The following SLIT1 variants were observed in gnomAD, a reference collection of about 807,000 sequenced individuals.
SLIT1 encodes the protein slit homolog 1 protein.
A neutral mutation model predicts 186.1 loss-of-function variants in SLIT1; 66 were observed. The observed-to-expected ratio is 0.35, with a 90% CI of 0.29 to 0.44. SLIT1 has a LOEUF of 0.44. Among genes scored for constraint, SLIT1 ranks in the 20% least tolerant of loss-of-function variants. The pLI, the probability that SLIT1 is intolerant of heterozygous loss-of-function variation, is 1.00. For synonymous variants in SLIT1, 761 were observed against 833.8 expected (o/e 0.91, Z 1.50); for missense variants, 1,638 against 2,037.4 (o/e 0.80, Z 3.77).
In SLIT1 at chr10:96,998,219, T is replaced by A. The variant is rs1444686993; in HGVS notation, c.*2893A>T. The A allele has an allele frequency of 6.6e-6, 1 of 152,188 alleles. No individual in the cohort carries two copies. Among genetic ancestry groups the A allele is most frequent in the Non-Finnish European group, 1.5e-5 (1 of 68,048 alleles). 9.4% of individuals were successfully genotyped at this position (152,188 alleles called of 1,614,324 possible). On this transcript the variant is annotated 3_prime_UTR_variant, in exon 37 of 37. Transcript: ENST00000266058. ...CAAAACGTGCCACGACCACATAGCA[T>A]CTGAAAGGCAAAACAAGACGCTGGA...
At chr10:97,162,260 G>A (rs1287220719) in intron 3 of SLIT1, among the ~76,000 whole-genome samples, 1 of 152,106 alleles carries the variant, frequency 6.6e-6, no homozygotes, top group African/African-American at 2.4e-5. Context: ...CTTCAGAAAT[G>A]TGATTTTATT....
chr10:97,100,032 A>C (rs1849334072), intron 4 of SLIT1, among the ~76,000 whole-genome samples: 1 of 152,224 alleles, frequency 6.6e-6, no homozygotes, highest in Admixed American at 6.5e-5. Context: ...TCACCCTAGA[A>C]GACATAATAT....
At chr10:97,123,691 G>A (rs1429415696) in intron 4 of SLIT1, among the ~76,000 whole-genome samples, 1 of 151,890 alleles carries the variant, frequency 6.6e-6, no homozygotes, top group Non-Finnish European at 1.5e-5. Flanking sequence ...TCGAGAGGCT[G>A]AGGCAGGAGA....
At chr10:97,155,173 T>C (rs911690413) in intron 4 of SLIT1, 4 of 152,264 alleles carry the variant, frequency 2.6e-5, no homozygotes, top group Non-Finnish European at 5.9e-5. Context: ...TTCAGACTCC[T>C]ACTAGCCCTA....
intron 4 of SLIT1, among the ~76,000 whole-genome samples, chr10:97,067,610 G>A (rs370688925): frequency 2.1e-4 from 32 of 152,282 alleles, no homozygotes; most frequent in African/African-American, 6.3e-4. Flanking sequence ...TGGCTTGTGC[G>A]GCAGCCCTGG....
rs1417060106 is a variant in SLIT1, at chr10:97,021,441, A to G, written c.2583-28T>C. ...GAGCAGAAAGCAGAGAGAAGCAGGC[A>G]TTACAGCTTCATGGGGTCCCTCGCC... On this transcript the variant is annotated intron_variant, in intron 25 of 36. Coordinates refer to ENST00000266058, the MANE Select transcript of SLIT1 (RefSeq NM_003061.3). This position sits in a 1 kb window ranked among gnomAD's most constrained non-coding sequence, Gnocchi z 4.5. 1.9e-6 allele frequency: 3 copies of G among 1,600,898 alleles called. No individual in the cohort carries two copies. Among genetic ancestry groups the G allele is most frequent in the Non-Finnish European group, 2.6e-6 (3 of 1,171,364 alleles).
intron 23 of SLIT1, 52 bp from the exon 24 acceptor site, chr10:97,031,729 T>A: frequency 6.9e-7 from 1 of 1,442,228 alleles, no homozygotes; most frequent in African/African-American, 1.4e-5. Flanking sequence ...CTGGCCCCTG[T>A]GGGCACAGCC....
intron 2 of SLIT1, 130 bp from the exon 3 acceptor site, chr10:97,163,581 T>A: frequency 1.3e-6 from 1 of 766,082 alleles, no homozygotes; most frequent in East Asian, 2.5e-5. Flanking sequence ...ACAGGAGCCA[T>A]GCCCAAGCCT....
intron 4 of SLIT1, among the ~76,000 whole-genome samples, chr10:97,096,608 C>T (rs914933728): frequency 3.3e-5 from 5 of 152,144 alleles, no homozygotes; most frequent in Non-Finnish European, 7.4e-5. Flanking sequence ...GAAATGTCAG[C>T]GGCTCCTCAC....
At chr10:97,100,342 G>A (rs564766782) in intron 4 of SLIT1, among the ~76,000 whole-genome samples, 8 of 152,256 alleles carry the variant, frequency 5.3e-5, no homozygotes, top group African/African-American at 1.9e-4. Context: ...TAAAATTTTT[G>A]GCCGGGTGCA....
chr10:97,037,048 TTGTGTGTGTGTG>T lies in SLIT1; in HGVS notation c.2366+638_2366+649del, dbSNP rs59578209. On this transcript the variant is annotated intron_variant, in intron 22 of 36. Coordinates refer to ENST00000266058, the MANE Select transcript of SLIT1 (RefSeq NM_003061.3). The stretch of plus-strand genomic sequence containing the variant: ...CCTAACCTTGCAAGAATAACCCCCT[TTGTGTGTGTGTG>T]TGTGTGTGTGTGTGTGTGTGTGTGT... Among the ~76,000 whole-genome samples, 238 of 116,950 alleles carry T rather than the reference TTGTGTGTGTGTG, an allele frequency of 2.0e-3. 1 individual carries two copies. Among genetic ancestry groups the T allele is most frequent in the Middle Eastern group, 0.013 (3 of 236 alleles). 76.7% of individuals were successfully genotyped at this position (116,950 alleles called of 152,430 possible).
At chr10:97,180,079 C>T (rs779210067) in intron 1 of SLIT1, among the ~76,000 whole-genome samples, 5 of 152,198 alleles carry the variant, frequency 3.3e-5, no homozygotes, top group African/African-American at 4.8e-5. Context: ...CGACAGCCCG[C>T]CCCGCCCAAG....
At chr10:97,066,406 A>G (rs1848946807) in intron 4 of SLIT1, among the ~76,000 whole-genome samples, 1 of 152,176 alleles carries the variant, frequency 6.6e-6, no homozygotes, top group Non-Finnish European at 1.5e-5. Context: ...GCCAGACCCC[A>G]CCTGATGTAG....
Position 97,045,117 on chromosome 10 carries a change from A to G in SLIT1, c.1853+1537T>C, listed in dbSNP as rs532219029. Among the ~76,000 whole-genome samples, 7 of 152,326 alleles carry G rather than the reference A, an allele frequency of 4.6e-5. No homozygotes were observed. The East Asian group carries it at 1.3e-3, about 29-fold the overall frequency. On this transcript the variant is annotated intron_variant, in intron 18 of 36. Coordinates refer to ENST00000266058, the MANE Select transcript of SLIT1 (RefSeq NM_003061.3). The stretch of plus-strand genomic sequence containing the variant: ...CCCTGGTCTCAGACTTCCAGCCTCC[A>G]GAACTTCTGTTGTCTATAAACCTCC...
intron 8 of SLIT1, among the ~76,000 whole-genome samples, chr10:97,061,746 G>C (rs1006458136): frequency 6.6e-6 from 1 of 152,126 alleles, no homozygotes; most frequent in Non-Finnish European, 1.5e-5. Context: ...TAATATTTTT[G>C]GACATTTTTG....
chr10:97,067,308 C>T (rs1045877987), intron 4 of SLIT1, among the ~76,000 whole-genome samples: 28 of 152,190 alleles, frequency 1.8e-4, no homozygotes, highest in African/African-American at 6.8e-4. Flanking sequence ...CCTGTCAGGG[C>T]CGGGCCTCTG....
Position 97,043,414 on chromosome 10 carries a change from G to A in SLIT1, c.1953C>T (p.Thr651=), listed in dbSNP as rs372447127. 30 of 1,613,880 alleles carry A rather than the reference G, an allele frequency of 1.9e-5. No individual in the cohort carries two copies. Among genetic ancestry groups the A allele is most frequent in the Middle Eastern group, 1.7e-4 (1 of 5,936 alleles). The stretch of plus-strand genomic sequence containing the variant: ...GGGTGTCGAAGGCTCCTGGGGATAC[G>A]GTGGTGATCTGGTTGTCGTAGAGCG... ...LLSLYDNQIT[T]VSPGAFDTLQ... is the part of the protein sequence containing the mutation. Residue 651 remains threonine, a synonymous_variant, in exon 19 of 37, where the codon ACC becomes ACT. Transcript: ENST00000266058. This position sits in a 1 kb window ranked among gnomAD's most constrained non-coding sequence, Gnocchi z 7.0.
At chr10:97,096,302 G>A (rs2134666808) in intron 4 of SLIT1, among the ~76,000 whole-genome samples, 1 of 152,084 alleles carries the variant, frequency 6.6e-6, no homozygotes, top group South Asian at 2.1e-4. Context: ...TTTCCTTCGT[G>A]TCTGTCTCTG....
At chr10:97,032,390 A>G (rs1194274222) in intron 23 of SLIT1, among the ~76,000 whole-genome samples, 1 of 151,978 alleles carries the variant, frequency 6.6e-6, no homozygotes, top group Non-Finnish European at 1.5e-5. Flanking sequence ...CCGACATGGC[A>G]AAACCCCGTC....
Sources: gnomAD v4.1 joint callset for allele counts (sites outside exome capture counted in the v4.1 genomes callset) on GRCh38, gnomAD v4.1.1 for gene constraint, Gnocchi (gnomAD v3.1) non-coding constraint, MANE v1.5 for transcripts, NCBI Gene and HGNC (gene_info 2026-07-23, HGNC 2026-07-21) for gene names.